Variants in WNT9A observed in about 807,000 individuals in gnomAD.
WNT9A encodes Wnt family member 9A.
WNT9A carries 8 observed loss-of-function variants against 31.4 expected under a neutral mutation model. The observed-to-expected ratio is 0.26, with a 90% CI of 0.15 to 0.46. WNT9A has a LOEUF of 0.46. Ranked by LOEUF, WNT9A falls within the 20% of genes least tolerant of loss-of-function variation. The pLI, the probability that WNT9A is intolerant of heterozygous loss-of-function variation, is 0.99. For synonymous variants in WNT9A, 236 were observed against 220.1 expected (o/e 1.07, Z -0.64); for missense variants, 457 against 522.9 (o/e 0.87, Z 1.23).
chr1:227,943,938 A>G (rs1049287221), intron 1 of WNT9A, among the ~76,000 whole-genome samples: 1 of 152,166 alleles, frequency 6.6e-6, no homozygotes, highest in Non-Finnish European at 1.5e-5. Context: ...CCTTCATCAC[A>G]TCGCTGCACT....
rs201136374 is a variant in WNT9A at position 227,921,619 on chromosome 1, G to A, written c.997C>T (p.Arg333Trp). The change falls in exon 4 of 4, where the codon CGG (arginine) becomes TGG (tryptophan). Residue 333 changes from arginine (R) to tryptophan (W), a missense_variant. By Grantham distance (101) the Arg-to-Trp change is moderately radical. Coordinates refer to ENST00000272164, the MANE Select transcript of WNT9A (RefSeq NM_003395.4). Reference sequence around the variant, plus strand: ...CACTGGCAGGGCCTTGTCACCACCCGGCTCTGTGTGTTATGGCCGCGGCCA... The same window carrying A: ...CACTGGCAGGGCCTTGTCACCACCCAGCTCTGTGTGTTATGGCCGCGGCCA... Reference protein sequence around the residue: ...CCGRGHNTQSRVVTRPCQCQV... With the variant: ...CCGRGHNTQSWVVTRPCQCQV... The A allele has an allele frequency of 6.8e-6, 11 of 1,613,314 alleles. No homozygotes were observed. The highest frequency in any genetic ancestry group is 2.2e-5 in the East Asian group (1 of 44,886).
In WNT9A at chr1:227,922,018, G is replaced by A. The variant is rs113095317; in HGVS notation, c.616-18C>T. The A allele has an allele frequency of 1.4e-5, 22 of 1,587,594 alleles. No homozygotes were observed. Among genetic ancestry groups the A allele is most frequent in the Non-Finnish European group, 1.8e-5 (21 of 1,165,726 alleles). Reference sequence around the variant, plus strand: ...TTGATCACCTGGCAGAAGGGTGCGGGAGGGAGGGCAGTGTGAGGGCTGTGC... The same window carrying A: ...TTGATCACCTGGCAGAAGGGTGCGGAAGGGAGGGCAGTGTGAGGGCTGTGC... On this transcript the variant is annotated intron_variant, in intron 3 of 3. Transcript: ENST00000272164.
chr1:227,941,397 G>A (rs1666703013), intron 1 of WNT9A, among the ~76,000 whole-genome samples: 1 of 151,954 alleles, frequency 6.6e-6, no homozygotes, highest in African/African-American at 2.4e-5. Flanking sequence ...GAGCGACCAG[G>A]GAGAATAGAA....
intron 1 of WNT9A, among the ~76,000 whole-genome samples, chr1:227,936,929 C>T (rs1030322503): frequency 2.0e-5 from 3 of 152,208 alleles, no homozygotes; most frequent in Non-Finnish European, 4.4e-5. Flanking sequence ...TCATACATAT[C>T]AGCCCTGTCC....
At position 227,925,292 on chromosome 1, in the gene WNT9A, C is replaced by T; in HGVS notation, c.323G>A (p.Gly108Asp). 1.3e-6 allele frequency: 2 copies of T among 1,574,720 alleles called. No individual in the cohort carries two copies. Among genetic ancestry groups the T allele is most frequent in the Non-Finnish European group, 1.7e-6 (2 of 1,160,798 alleles). Residue 108 changes from glycine (G) to aspartate (D), a missense_variant, in exon 2 of 4, where the codon GGC becomes GAC. Physicochemically the swap from Gly to Asp is moderately conservative, Grantham distance 94. Transcript: ENST00000272164. This position sits in a 1 kb window ranked among gnomAD's most constrained non-coding sequence, Gnocchi z 6.0. ...CTTGAGCAGGCTGGCCCGGTAGCGG[C>T]CCTCCAGCGTGCAGTTCCAGCGCTC... ...RFERWNCTLE[G>D]RYRASLLKRG... is the part of the protein sequence containing the mutation.
intron 1 of WNT9A, among the ~76,000 whole-genome samples, chr1:227,930,540 AAAAC>A (rs1666492282): frequency 6.6e-6 from 1 of 152,036 alleles, no homozygotes. Flanking sequence ...AGACCATCTA[AAAAC>A]AAACTAACAA....
chr1:227,936,931 G>T (rs545138326), intron 1 of WNT9A, among the ~76,000 whole-genome samples: 1 of 152,208 alleles, frequency 6.6e-6, no homozygotes, highest in East Asian at 1.9e-4. Context: ...ATACATATCA[G>T]CCCTGTCCCA....
In WNT9A at chr1:227,947,821, C is replaced by G; in HGVS notation, c.67G>C (p.Ala23Pro). 9.2e-7 allele frequency: 1 copy of G among 1,092,232 alleles called. No homozygotes were observed. Among genetic ancestry groups the G allele is most frequent in the Non-Finnish European group, 1.1e-6 (1 of 899,514 alleles). The allele number at this position is 1,092,232 out of a possible 1,614,324, so 67.7% of individuals were successfully genotyped here. Residue 23 changes from alanine to proline, a missense_variant, in exon 1 of 4, where the codon GCG becomes CCG. By Grantham distance (27) the Ala-to-Pro change is conservative (BLOSUM62 -1). Transcript: ENST00000272164. ...AAFGLTLLLAALRPSAAYFGL... is the reference protein window; with the variant it reads ...AAFGLTLLLAPLRPSAAYFGL... ...AAGTAGGCGGCCGAAGGGCGCAGCG[C>G]GGCGAGCAGCAGCGTCAGCCCGAAG...
In WNT9A at chr1:227,926,303, C is replaced by T. The variant is rs541168695; in HGVS notation, c.96-784G>A. ...GCACCAGTACCCAGCACTGAGGACG[C>T]ATCCCCAACCTCAACTGCTCCAGGA... is the stretch of plus-strand genomic sequence containing the variant. On this transcript the variant is annotated intron_variant, in intron 1 of 3. Transcript: ENST00000272164. This position sits in a 1 kb window ranked among gnomAD's most constrained non-coding sequence, Gnocchi z 5.0. Among the ~76,000 whole-genome samples, 52 of 152,230 alleles carry T rather than the reference C, an allele frequency of 3.4e-4. No homozygotes were observed. Among genetic ancestry groups the T allele is most frequent in the African/African-American group, 1.1e-3 (47 of 41,524 alleles).
Position 227,934,985 on chromosome 1 carries a change from G to A in WNT9A, c.96-9466C>T, listed in dbSNP as rs147320140. Among the ~76,000 whole-genome samples the A allele has an allele frequency of 2.0e-4, 30 of 151,610 alleles. No homozygotes were observed. In the East Asian group the frequency reaches 5.7e-3, roughly 29 times the overall value. ...AGCCCCAGTTCACCACATAGAGCCT[G>A]AGTCACAGCCCCAGTTCACTATACA... On this transcript the variant is annotated intron_variant, in intron 1 of 3. Transcript: ENST00000272164.
Position 227,920,173 on chromosome 1 carries a change from C to G in WNT9A, c.*1345G>C, listed in dbSNP as rs147793581. ...CCACAGGGTGCAGGGCAGGGGCCGC[C>G]GGCTGGCCCACCACGTGGCAGTGGC... On this transcript the variant is annotated 3_prime_UTR_variant, in exon 4 of 4. Coordinates refer to ENST00000272164, the MANE Select transcript of WNT9A (RefSeq NM_003395.4). 2.0e-5 allele frequency: 3 copies of G among 152,292 alleles called. No homozygotes were observed. The highest frequency in any genetic ancestry group is 1.3e-4 in the Admixed American group (2 of 15,288). 9.4% of individuals were successfully genotyped at this position (152,292 alleles called of 1,614,324 possible). A position where few individuals can be genotyped will look rare whatever the true frequency, so the allele number is the denominator to read the frequency against.
chr1:227,924,085 C>CCCCCCCCCCTTTT lies in WNT9A; in HGVS notation c.615+52_615+53insAAAAGGGGGGGGG. The CCCCCCCCCCTTTT allele has an allele frequency of 6.6e-6, 7 of 1,063,498 alleles. No individual in the cohort carries two copies. In the South Asian group the frequency reaches 6.7e-5, roughly 10 times the overall value. 65.9% of individuals were successfully genotyped at this position (1,063,498 alleles called of 1,614,324 possible). A position where few individuals can be genotyped will look rare whatever the true frequency, so the allele number is the denominator to read the frequency against. On this transcript the variant is annotated intron_variant, in intron 3 of 3. Transcript: ENST00000272164. ...AGTCCCACGCCCCACCCCCAACCCC[C>CCCCCCCCCCTTTT]TGACGCTCTTTCTGACCCTCCCTTC...
chr1:227,944,206 G>C (rs1666760034), intron 1 of WNT9A, among the ~76,000 whole-genome samples: 1 of 152,186 alleles, frequency 6.6e-6, no homozygotes, highest in South Asian at 2.1e-4. Flanking sequence ...TCAGTCATAA[G>C]AAAGAAGGCA....
At chr1:227,946,809 G>T (rs1003423048) in intron 1 of WNT9A, among the ~76,000 whole-genome samples, 1 of 152,252 alleles carries the variant, frequency 6.6e-6, no homozygotes, top group Admixed American at 6.5e-5. Context: ...GCGCGCTGGC[G>T]CTCAGGCCAG....
At chr1:227,937,403 C>T (rs975342651) in intron 1 of WNT9A, among the ~76,000 whole-genome samples, 6 of 152,244 alleles carry the variant, frequency 3.9e-5, no homozygotes, top group African/African-American at 1.4e-4. Context: ...AAAGGTACTA[C>T]AGTAGGTGGA....
chr1:227,931,337 C>T (rs1284775664), intron 1 of WNT9A, among the ~76,000 whole-genome samples: 3 of 152,210 alleles, frequency 2.0e-5, no homozygotes, highest in Non-Finnish European at 4.4e-5. Context: ...TTCTCTCTAG[C>T]TCTTCCCACT....
At position 227,921,508 on chromosome 1, in the gene WNT9A, G is replaced by C. The variant is rs368044740; in HGVS notation, c.*10C>G. ...CACCCTGTGCAGCAGGGCTGGCAGG[G>C]CCTGGGAACTCAGCCCTTGCAGGTG... is the stretch of plus-strand genomic sequence containing the variant. On this transcript the variant is annotated 3_prime_UTR_variant, in exon 4 of 4. Coordinates refer to ENST00000272164, the MANE Select transcript of WNT9A (RefSeq NM_003395.4). 1.4e-5 allele frequency: 22 copies of C among 1,600,646 alleles called. No individual in the cohort carries two copies. Among genetic ancestry groups the C allele is most frequent in the Non-Finnish European group, 1.8e-5 (21 of 1,171,692 alleles).
chr1:227,927,720 C>T (rs1351925265), intron 1 of WNT9A, among the ~76,000 whole-genome samples: 1 of 152,088 alleles, frequency 6.6e-6, no homozygotes, highest in Non-Finnish European at 1.5e-5. Context: ...CCAGAACAGC[C>T]CTCAGGAAGA....
At chr1:227,943,585 A>AAAC (rs1666748485) in intron 1 of WNT9A, among the ~76,000 whole-genome samples, 1 of 152,130 alleles carries the variant, frequency 6.6e-6, no homozygotes, top group South Asian at 2.1e-4. Flanking sequence ...ATAAAACAGA[A>AAAC]AACCAGTGTC....
Sources: gnomAD v4.1 joint callset for allele counts (sites outside exome capture counted in the v4.1 genomes callset) on GRCh38, gnomAD v4.1.1 for gene constraint, Gnocchi (gnomAD v3.1) non-coding constraint, MANE v1.5 for transcripts, NCBI Gene and HGNC (gene_info 2026-07-23, HGNC 2026-07-21) for gene names.